SSH2: variants seen among roughly 807,000 people sequenced by gnomAD.
SSH2 encodes the protein slingshot protein phosphatase 2, also known as protein phosphatase Slingshot homolog 2.
Under a neutral mutation model 135.2 loss-of-function variants are expected in SSH2, and 37 were observed. The observed-to-expected ratio is 0.27, with a 90% CI of 0.21 to 0.36. The LOEUF is 0.36. Among genes scored for constraint, SSH2 ranks in the 10% least tolerant of loss-of-function variants. SSH2 has a pLI of 1.00. For missense variants in SSH2, 1,408 were observed against 1,765.3 expected, an observed-to-expected ratio of 0.80 and a Z score of 3.63; for synonymous variants, 628 against 646.2, an observed-to-expected ratio of 0.97 and a Z score of 0.43.
At chr17:29,756,598 G>A (rs1019687479) in intron 3 of SSH2, among the ~76,000 whole-genome samples, 2 of 151,372 alleles carry the variant, frequency 1.3e-5, no homozygotes, top group African/African-American at 4.9e-5. Flanking sequence ...GTGAGCCACT[G>A]CCCTTGGCTC....
At chr17:29,659,371 G>A (rs1186107026) in intron 11 of SSH2, among the ~76,000 whole-genome samples, 7 of 152,158 alleles carry the variant, frequency 4.6e-5, no homozygotes. Context: ...ATAAACTGTG[G>A]TTAAGCTTTT....
rs534420934 is a variant in SSH2 at position 29,700,725 on chromosome 17, G to C, written c.292+2234C>G. Among the ~76,000 whole-genome samples the C allele has an allele frequency of 9.2e-5, 14 of 152,286 alleles. No individual in the cohort carries two copies. In the East Asian group the frequency reaches 2.7e-3, roughly 29 times the overall value. ...TCATACCATCACCAGACAGTAGAAA[G>C]AAATCAGAAATTGAATCTTTGATTA... On this transcript the variant is annotated intron_variant, in intron 4 of 15. Coordinates refer to ENST00000540801, the MANE Select transcript of SSH2 (RefSeq NM_001282129.2).
intron 1 of SSH2, among the ~76,000 whole-genome samples, chr17:29,902,393 G>A (rs1394950935): frequency 3.9e-5 from 6 of 152,042 alleles, no homozygotes; most frequent in Admixed American, 3.9e-4. Context: ...ATATACCCCA[G>A]TTTGCCCGTT....
intron 3 of SSH2, among the ~76,000 whole-genome samples, chr17:29,783,929 A>G (rs1004900477): frequency 6.7e-6 from 1 of 148,356 alleles, no homozygotes; most frequent in Non-Finnish European, 1.5e-5. Flanking sequence ...AGCCGGGCGT[A>G]GTGGCGGGCG....
chr17:29,847,946 G>A (rs2043161131), intron 2 of SSH2, among the ~76,000 whole-genome samples: 2 of 152,154 alleles, frequency 1.3e-5, no homozygotes, highest in Non-Finnish European at 2.9e-5. Context: ...TATATATACA[G>A]TTGCCAAGAG....
At chr17:29,851,773 G>A (rs2065565571) in intron 1 of SSH2, among the ~76,000 whole-genome samples, 1 of 152,028 alleles carries the variant, frequency 6.6e-6, no homozygotes, top group South Asian at 2.1e-4. Flanking sequence ...AGGCCGAGGT[G>A]GGAGGATAAC....
intron 3 of SSH2, among the ~76,000 whole-genome samples, chr17:29,768,192 A>C (rs1265930833): frequency 6.6e-6 from 1 of 152,118 alleles, no homozygotes; most frequent in African/African-American, 2.4e-5. Context: ...GTTTATGGGA[A>C]TAAAGTAGAA....
intron 3 of SSH2, among the ~76,000 whole-genome samples, chr17:29,709,399 G>C (rs904468398): frequency 6.6e-6 from 1 of 152,168 alleles, no homozygotes; most frequent in Non-Finnish European, 1.5e-5. Flanking sequence ...TACAGGGGCT[G>C]AGTGTGGTGG....
At chr17:29,745,928 T>C (rs943565210) in intron 3 of SSH2, among the ~76,000 whole-genome samples, 5 of 152,192 alleles carry the variant, frequency 3.3e-5, no homozygotes, top group African/African-American at 1.2e-4. Flanking sequence ...ACTGCACTAT[T>C]ACTGTTAGGT....
chr17:29,846,754 T>C (rs1055218623), intron 2 of SSH2, among the ~76,000 whole-genome samples: 3 of 152,186 alleles, frequency 2.0e-5, no homozygotes, highest in Non-Finnish European at 4.4e-5. Flanking sequence ...GGTAGTAATA[T>C]GGTGATATAC....
intron 13 of SSH2, 139 bp downstream of exon 13, chr17:29,650,515 A>G (rs956462988): frequency 2.5e-6 from 2 of 784,590 alleles, no homozygotes; most frequent in Non-Finnish European, 3.7e-6. Context: ...CTAGGATTAA[A>G]AAGATTTCAG....
chr17:29,851,581 G>A (rs1233600644), intron 1 of SSH2, among the ~76,000 whole-genome samples: 4 of 151,772 alleles, frequency 2.6e-5, no homozygotes, highest in South Asian at 4.2e-4. Context: ...CAATAAGAGC[G>A]AAACGCCATC....
intron 4 of SSH2, among the ~76,000 whole-genome samples, chr17:29,697,163 C>T (rs1275970895): frequency 2.6e-5 from 4 of 152,214 alleles, no homozygotes; most frequent in Admixed American, 6.5e-5. Flanking sequence ...CCTAGGAAAT[C>T]TGAGGCTTTA....
chr17:29,881,183 T>C (rs1396188714), intron 1 of SSH2, among the ~76,000 whole-genome samples: 1 of 152,298 alleles, frequency 6.6e-6, no homozygotes, highest in Non-Finnish European at 1.5e-5. Flanking sequence ...AATGTAAGAA[T>C]AACAAAGTGA....
intron 12 of SSH2, among the ~76,000 whole-genome samples, chr17:29,653,360 T>A (rs2036652601): frequency 6.6e-6 from 1 of 152,228 alleles, no homozygotes; most frequent in Non-Finnish European, 1.5e-5. Context: ...TAAGTAGCTA[T>A]CTGGGAATTT....
chr17:29,681,622 T>G (rs2151071266), intron 6 of SSH2, among the ~76,000 whole-genome samples: 1 of 151,812 alleles, frequency 6.6e-6, no homozygotes, highest in East Asian at 1.9e-4. Flanking sequence ...TTAAAATATG[T>G]TACACTTTAG....
intron 3 of SSH2, among the ~76,000 whole-genome samples, chr17:29,714,495 G>C (rs984955844): frequency 6.6e-6 from 1 of 152,090 alleles, no homozygotes; most frequent in Admixed American, 6.6e-5. Context: ...GTCATCTTCT[G>C]TTCTTTGTTG....
At chr17:29,758,039 C>T (rs923058022) in intron 3 of SSH2, among the ~76,000 whole-genome samples, 1 of 151,842 alleles carries the variant, frequency 6.6e-6, no homozygotes, top group Admixed American at 6.6e-5. Context: ...AGAGCAAGGG[C>T]CTGTCTCAAA....
intron 3 of SSH2, among the ~76,000 whole-genome samples, chr17:29,723,103 T>TGCAAGATATCCCATCTCTGTGG (rs533409366): frequency 6.6e-6 from 1 of 152,162 alleles, no homozygotes; most frequent in Admixed American, 6.6e-5. Context: ...CTTAGCTCTA[T>TGCAAGATATCCCATCTCTGTGG]GCAAGATATC....
Sources: allele counts gnomAD v4.1 joint callset (sites outside exome capture counted in the v4.1 genomes callset), GRCh38; gene constraint gnomAD v4.1.1; transcripts MANE v1.5; gene names NCBI Gene and HGNC (gene_info 2026-07-23, HGNC 2026-07-21).